Variants in SOX5 observed in about 807,000 individuals in gnomAD.
SOX5 encodes the protein SRY-box transcription factor 5.
A neutral mutation model predicts 92.0 loss-of-function variants in SOX5; 9 were observed. The observed-to-expected ratio is 0.10, with a 90% CI of 0.06 to 0.17. SOX5 has a LOEUF of 0.17. Among genes scored for constraint, SOX5 ranks in the 10% least tolerant of loss-of-function variants. The pLI is 1.00. For synonymous variants in SOX5, 344 were observed against 336.3 expected, an observed-to-expected ratio of 1.02 and a Z score of -0.25; for missense variants, 642 against 944.5, an observed-to-expected ratio of 0.68 and a Z score of 4.20.
intron 6 of SOX5, among the ~76,000 whole-genome samples, chr12:23,693,911 T>G (rs2089351277): frequency 6.6e-6 from 1 of 152,202 alleles, no homozygotes; most frequent in Non-Finnish European, 1.5e-5. Flanking sequence ...TCCCTTTCCT[T>G]CTTCTGAAGT....
At chr12:23,851,946 T>G (rs982556980) in intron 2 of SOX5, among the ~76,000 whole-genome samples, 2 of 152,122 alleles carry the variant, frequency 1.3e-5, no homozygotes, top group African/African-American at 2.4e-5. Context: ...TAAAGTTCTC[T>G]AAAGAAGTGT....
At chr12:24,144,863 G>C (rs919339046) in intron 4 of SOX5, among the ~76,000 whole-genome samples, 4 of 151,902 alleles carry the variant, frequency 2.6e-5, no homozygotes, top group African/African-American at 9.7e-5. Flanking sequence ...AGGCTACAAG[G>C]GGAAAAATGG....
At chr12:23,740,411 T>C (rs999993877) in intron 5 of SOX5, among the ~76,000 whole-genome samples, 1 of 152,188 alleles carries the variant, frequency 6.6e-6, no homozygotes, top group African/African-American at 2.4e-5. Context: ...ATTTAGATTC[T>C]CACTCTTTTT....
rs780799319 is a variant in SOX5, at chr12:23,838,843, T to TGG, written c.481+7138_481+7139dup. On this transcript the variant is annotated intron_variant, in intron 3 of 14. Transcript: ENST00000451604. ...CTAATTCCCAGTAGTTCTTTTTTTTTGGGGGGGGGGGGCGGGGATGGAGTC... is the reference window on the plus strand; with the variant it reads ...CTAATTCCCAGTAGTTCTTTTTTTTTGGGGGGGGGGGGGGCGGGGATGGAGTC... Among the ~76,000 whole-genome samples, 144 of 38,092 alleles carry TGG rather than the reference T, an allele frequency of 3.8e-3. 1 individual carries two copies. The highest frequency in any genetic ancestry group is 4.1e-3 in the Non-Finnish European group (80 of 19,442). The allele number at this position is 38,092 out of a possible 152,430, so 25.0% of individuals were successfully genotyped here. A position where few individuals can be genotyped will look rare whatever the true frequency, so the allele number is the denominator to read the frequency against.
At chr12:24,235,366 G>C (rs1964255100) in intron 3 of SOX5, among the ~76,000 whole-genome samples, 1 of 152,024 alleles carries the variant, frequency 6.6e-6, no homozygotes, top group South Asian at 2.1e-4. Context: ...GCTTATTTTT[G>C]GTTCATATCT....
chr12:23,921,828 G>C (rs534271830), intron 1 of SOX5, among the ~76,000 whole-genome samples: 19 of 152,284 alleles, frequency 1.2e-4, no homozygotes, highest in African/African-American at 4.6e-4. Flanking sequence ...CATCACTGCA[G>C]GCAAGGCAGC....
intron 6 of SOX5, among the ~76,000 whole-genome samples, chr12:23,729,475 A>G (rs1382179283): frequency 6.6e-6 from 1 of 152,196 alleles, no homozygotes; most frequent in Non-Finnish European, 1.5e-5. Flanking sequence ...CACACTGCCA[A>G]ACTAAGAATA....
At chr12:24,102,927 A>G (rs941784126) in intron 4 of SOX5, among the ~76,000 whole-genome samples, 1 of 152,214 alleles carries the variant, frequency 6.6e-6, no homozygotes, top group African/African-American at 2.4e-5. Context: ...ATACAGAACA[A>G]AGAAAAAGAA....
At chr12:24,115,000 G>T (rs932435552) in intron 4 of SOX5, among the ~76,000 whole-genome samples, 1 of 152,084 alleles carries the variant, frequency 6.6e-6, no homozygotes, top group African/African-American at 2.4e-5. Context: ...CTTAAAAATT[G>T]AAAATAGATG....
intron 3 of SOX5, among the ~76,000 whole-genome samples, chr12:24,271,555 T>G (rs1472250323): frequency 6.6e-6 from 1 of 152,200 alleles, no homozygotes; most frequent in African/African-American, 2.4e-5. Context: ...AATCCTTCTC[T>G]ACTCCTAAGC....
chr12:23,550,948 T>C (rs1331533497), intron 11 of SOX5, among the ~76,000 whole-genome samples: 1 of 152,010 alleles, frequency 6.6e-6, no homozygotes, highest in Admixed American at 6.6e-5. Context: ...CGTGAGTAGA[T>C]AAGTCATCTA....
At chr12:24,245,538 T>TA (rs950956787) in intron 3 of SOX5, among the ~76,000 whole-genome samples, 1 of 152,162 alleles carries the variant, frequency 6.6e-6, no homozygotes, top group African/African-American at 2.4e-5. Flanking sequence ...CCTGGGCACC[T>TA]TAACACAAAT....
intron 1 of SOX5, among the ~76,000 whole-genome samples, chr12:24,389,942 G>T (rs1357445173): frequency 6.6e-6 from 1 of 151,992 alleles, no homozygotes; most frequent in East Asian, 1.9e-4. Context: ...TCTTACTGAG[G>T]TCTTGGTTCT....
At chr12:24,035,008 T>G (rs1437374539) in intron 4 of SOX5, among the ~76,000 whole-genome samples, 1 of 152,084 alleles carries the variant, frequency 6.6e-6, no homozygotes, top group Non-Finnish European at 1.5e-5. Context: ...CCTGACAATG[T>G]GAGCTCAAAG....
At chr12:23,781,587 AAAAT>A (rs903396911) in intron 3 of SOX5, among the ~76,000 whole-genome samples, 72 of 152,186 alleles carry the variant, frequency 4.7e-4, no homozygotes, top group African/African-American at 1.7e-3. Context: ...GTAGACTATT[AAAAT>A]AAATAACAAA....
At chr12:23,729,267 A>G (rs2140801058) in intron 6 of SOX5, among the ~76,000 whole-genome samples, 1 of 152,320 alleles carries the variant, frequency 6.6e-6, no homozygotes, top group South Asian at 2.1e-4. Context: ...AAGGGAGTAA[A>G]CCATCTTCTC....
At position 23,791,993 on chromosome 12, in the gene SOX5, CTCTT is replaced by C. The variant is rs542692024; in HGVS notation, c.482-36273_482-36270del. Among the ~76,000 whole-genome samples the C allele has an allele frequency of 2.4e-4, 36 of 151,980 alleles. No individual in the cohort carries two copies. The South Asian group carries it at 3.9e-3, about 17-fold the overall frequency. On this transcript the variant is annotated intron_variant, in intron 3 of 14. Transcript: ENST00000451604. Reference sequence around the variant, plus strand: ...ATATAGAGTAAAAATATTAAATTATCTCTTTCTAAGATTTATTCTTTAATTTTAA... The same window carrying C: ...ATATAGAGTAAAAATATTAAATTATCTCTAAGATTTATTCTTTAATTTTAA...
chr12:23,799,410 A>G (rs998671063), intron 3 of SOX5, among the ~76,000 whole-genome samples: 2 of 152,054 alleles, frequency 1.3e-5, no homozygotes, highest in African/African-American at 4.8e-5. Flanking sequence ...TCTCCCTAAC[A>G]ATGTAGCCAA....
intron 4 of SOX5, among the ~76,000 whole-genome samples, chr12:24,127,829 G>T (rs891486055): frequency 6.6e-6 from 1 of 152,130 alleles, no homozygotes; most frequent in Non-Finnish European, 1.5e-5. Flanking sequence ...GTGCATTAGA[G>T]GCAACACCGT....
Sources: allele counts gnomAD v4.1 joint callset (sites outside exome capture counted in the v4.1 genomes callset), GRCh38; gene constraint gnomAD v4.1.1; transcripts MANE v1.5; gene names NCBI Gene and HGNC (gene_info 2026-07-23, HGNC 2026-07-21).